PABIR3: variants seen among roughly 807,000 people sequenced by gnomAD.
PABIR3 encodes PABIR family member 1.
In PABIR3, 20 loss-of-function variants were observed where a neutral mutation model predicts 23.1. The observed-to-expected ratio is 0.86, with a 90% CI of 0.61 to 1.26. The LOEUF is 1.26. Among genes scored for constraint, PABIR3 ranks in the 50% most tolerant of loss-of-function variants. PABIR3 has a pLI of 0.00. For synonymous variants in PABIR3, 69 were observed against 68.5 expected, an observed-to-expected ratio of 1.01 and a Z score of -0.04; for missense variants, 189 against 195.4, an observed-to-expected ratio of 0.97 and a Z score of 0.20.
At chrX:134,806,477 G>C (rs1295575470), upstream of PABIR3, among the ~76,000 whole-genome samples, 1 of 110,233 alleles carries the variant, frequency 9.1e-6, no homozygotes, top group Non-Finnish European at 1.9e-5. Flanking sequence ...TTAACCAGGC[G>C]TGGTGGCGAG....
At chrX:134,832,394 C>CTTTTT (rs1162024470) in intron 4 of PABIR3, among the ~76,000 whole-genome samples, 2 of 77,035 alleles carry the variant, frequency 2.6e-5, no homozygotes, top group Admixed American at 1.4e-4. Flanking sequence ...GACTGGATCC[C>CTTTTT]TTTTTTTTTT....
At chrX:134,807,182 A>C (rs977300666), upstream of PABIR3, 5 of 793,104 alleles carry the variant, frequency 6.3e-6, no homozygotes, top group Non-Finnish European at 7.5e-6. Context: ...AGCTTATCGC[A>C]GGCTCTGAGG....
chrX:134,830,633 G>GT (rs1206463769), intron 4 of PABIR3, among the ~76,000 whole-genome samples: 8 of 109,982 alleles, frequency 7.3e-5, no homozygotes, highest in African/African-American at 9.9e-5. Flanking sequence ...GTGCCAGGCT[G>GT]TTTTTTTTAC....
chrX:134,847,929 C>G lies in PABIR3; in HGVS notation c.485C>G (p.Ser162Trp). Residue 162 changes from serine (S) to tryptophan (W), a missense_variant, in exon 8 of 11, where the codon TCG becomes TGG. Coordinates refer to ENST00000645433, the MANE Select transcript of PABIR3 (RefSeq NM_001388447.1). ...CAAACTTGTGTGAGTTGCACTGGTT[C>G]GCCTTCAAGTCCTATTCCCAGTCCT... The part of the protein sequence containing the change: ...SLQTCVSCTG[S>W]PSSPIPSPMQ... 2 of 1,154,924 alleles carry G rather than the reference C, an allele frequency of 1.7e-6. No individual in the cohort carries two copies. The highest frequency in any genetic ancestry group is 2.3e-6 in the Non-Finnish European group (2 of 872,371).
intron 1 of PABIR3, among the ~76,000 whole-genome samples, chrX:134,800,607 T>C (rs112755474): frequency 0.013 from 1,490 of 110,787 alleles, 24 homozygotes; most frequent in African/African-American, 0.048. Flanking sequence ...CTGACCAACA[T>C]GGTGAAACCC....
At chrX:134,816,263 T>C (rs751893347) in intron 3 of PABIR3, among the ~76,000 whole-genome samples, 82 of 112,866 alleles carry the variant, frequency 7.3e-4, no homozygotes, top group Non-Finnish European at 1.2e-3. Flanking sequence ...CTTTGTCTTC[T>C]ACTTTTGTAA....
At position 134,819,230 on chromosome X, in the gene PABIR3, C is replaced by T. The variant is rs994466569; in HGVS notation, c.189+4381C>T. Among the ~76,000 whole-genome samples the T allele has an allele frequency of 7.2e-5, 8 of 110,962 alleles. No individual in the cohort carries two copies. In the South Asian group the frequency reaches 1.5e-3, roughly 21 times the overall value. The stretch of plus-strand genomic sequence containing the variant: ...GATTACAGGCATAAGCCACTGTGCC[C>T]GGCGATTCTTGGCATTTTAAAAATG... On this transcript the variant is annotated intron_variant, in intron 3 of 10. Transcript: ENST00000645433.
chrX:134,828,007 A>C (rs2081578020), intron 3 of PABIR3, among the ~76,000 whole-genome samples: 1 of 77,522 alleles, frequency 1.3e-5, no homozygotes, highest in Non-Finnish European at 2.4e-5. Context: ...AGTCTAGCTC[A>C]GTGCTCTCTC....
chrX:134,845,126 G>A, intron 4 of PABIR3, 79 bp from the exon 5 acceptor site: 1 of 767,166 alleles, frequency 1.3e-6, no homozygotes, highest in Admixed American at 3.1e-5. Flanking sequence ...AAAAATAATG[G>A]TGCATCCAAA....
chrX:134,810,501 G>C, intron 2 of PABIR3: 1 of 754,001 alleles, frequency 1.3e-6, no homozygotes, highest in South Asian at 6.7e-5. Context: ...TAGGAATGAT[G>C]TGTGACATCC....
chrX:134,818,304 G>A (rs2081088659), intron 3 of PABIR3, among the ~76,000 whole-genome samples: 1 of 111,397 alleles, frequency 9.0e-6, no homozygotes, highest in African/African-American at 3.3e-5. Flanking sequence ...AAAACTGTGG[G>A]AATTAATGAT....
At chrX:134,842,324 T>A (rs1416265342) in intron 4 of PABIR3, among the ~76,000 whole-genome samples, 1 of 112,273 alleles carries the variant, frequency 8.9e-6, no homozygotes, top group Non-Finnish European at 1.9e-5. Flanking sequence ...GTTTTTTTAA[T>A]TTCTCTGGGC....
chrX:134,860,974 G>A, the PABIR3 span, among the ~76,000 whole-genome samples: 1 of 112,037 alleles, frequency 8.9e-6, no homozygotes, highest in Admixed American at 9.5e-5. Flanking sequence ...GTTTCTGTTT[G>A]GGGTGATAAA....
At chrX:134,816,411 C>T (rs1264681298) in intron 3 of PABIR3, among the ~76,000 whole-genome samples, 1 of 112,523 alleles carries the variant, frequency 8.9e-6, no homozygotes, top group Non-Finnish European at 1.9e-5. Context: ...ATCTCTGCCT[C>T]CCGGGTTCAG....
upstream of PABIR3, among the ~76,000 whole-genome samples, chrX:134,805,893 G>A (rs1226715520): frequency 9.2e-6 from 1 of 108,298 alleles, no homozygotes; most frequent in South Asian, 3.9e-4. Context: ...GCGAAACTCC[G>A]TCTCAAAAAA....
chrX:134,836,942 G>A (rs1432544768), intron 4 of PABIR3, among the ~76,000 whole-genome samples: 2 of 111,647 alleles, frequency 1.8e-5, no homozygotes, highest in East Asian at 5.5e-4. Context: ...GGTGGTTCGT[G>A]CCTGTAATTC....
At chrX:134,855,993 A>G (rs2082747765), downstream of PABIR3, among the ~76,000 whole-genome samples, 1 of 111,507 alleles carries the variant, frequency 9.0e-6, no homozygotes, top group Admixed American at 9.6e-5. Context: ...AAAGGTTCAC[A>G]TGTACTATTG....
chrX:134,816,937 G>A (rs111687543), intron 3 of PABIR3, among the ~76,000 whole-genome samples: 1 of 111,457 alleles, frequency 9.0e-6, no homozygotes, highest in Non-Finnish European at 1.9e-5. Flanking sequence ...CACTTTGGGA[G>A]GCCAAGGCGG....
chrX:134,805,850 T>C (rs1389809440), upstream of PABIR3, among the ~76,000 whole-genome samples: 1 of 110,562 alleles, frequency 9.0e-6, no homozygotes, highest in African/African-American at 3.3e-5. Flanking sequence ...TGAGCCAAGA[T>C]TGCGCCATTG....
Sources: gnomAD v4.1 joint callset for allele counts (sites outside exome capture counted in the v4.1 genomes callset) on GRCh38, gnomAD v4.1.1 for gene constraint, MANE v1.5 for transcripts, NCBI Gene and HGNC (gene_info 2026-07-23, HGNC 2026-07-21) for gene names.